Variants in DOCK11 observed in about 807,000 individuals in gnomAD.
DOCK11 encodes the protein dedicator of cytokinesis protein 11.
DOCK11 carries 70 observed loss-of-function variants against 169.1 expected under a neutral mutation model. The observed-to-expected ratio is 0.41, with a 90% CI of 0.34 to 0.51. The LOEUF is 0.51. Among genes scored for constraint, DOCK11 ranks in the 20% least tolerant of loss-of-function variants. The probability of loss-of-function intolerance (pLI) is 0.10; values close to 1 mark genes in which losing one functional copy is unlikely to be tolerated. For synonymous variants in DOCK11, 529 were observed against 541.3 expected (o/e 0.98, Z 0.32); for missense variants, 1,166 against 1,538.8 (o/e 0.76, Z 4.05).
chrX:118,605,282 T>C lies in DOCK11; in HGVS notation c.2607T>C (p.Pro869=). 1 of 1,202,995 alleles carries C rather than the reference T, an allele frequency of 8.3e-7. No individual in the cohort carries two copies. The highest frequency in any genetic ancestry group is 1.1e-6 in the Non-Finnish European group (1 of 891,897). ...TCCAAGTCATGATACAGTTTCTACC[T>C]GTAATTCTTATGCAACTCTTCCGAG... ...MEIQVMIQFL[P]VILMQLFRVL... is the part of the protein sequence containing the mutation. The change falls in exon 24 of 53, where the codon CCT becomes CCC. Residue 869 remains proline (P), a synonymous_variant. Coordinates refer to ENST00000276202, the MANE Select transcript of DOCK11 (RefSeq NM_144658.4).
In DOCK11 at chrX:118,540,694, G is replaced by A. The variant is rs184861482; in HGVS notation, c.103-2031G>A. ...ACAGGAAACTCTGAGATGCCCTTCC[G>A]ATATGGAAATTGGGTATAGCTGTGA... On this transcript the variant is annotated intron_variant, in intron 1 of 52. Transcript: ENST00000276202. Among the ~76,000 whole-genome samples, 576 of 111,243 alleles carry A rather than the reference G, an allele frequency of 5.2e-3. 4 individuals carry two copies. Among genetic ancestry groups the A allele is most frequent in the African/African-American group, 0.018 (549 of 30,597 alleles).
intron 13 of DOCK11, among the ~76,000 whole-genome samples, chrX:118,579,348 A>T (rs1388927312): frequency 1.8e-5 from 2 of 111,855 alleles, no homozygotes; most frequent in African/African-American, 6.5e-5. Context: ...TTATAAATGG[A>T]AAAACTGAGA....
chrX:118,614,663 A>T, intron 28 of DOCK11, 29 bp from the exon 29 acceptor site: 2 of 1,017,547 alleles, frequency 2.0e-6, no homozygotes, highest in Non-Finnish European at 2.7e-6. Flanking sequence ...TTATGTAATT[A>T]ACCCTTAGTT....
At chrX:118,672,678 G>A (rs1037761799) in intron 46 of DOCK11, among the ~76,000 whole-genome samples, 18 of 112,507 alleles carry the variant, frequency 1.6e-4, no homozygotes, top group Non-Finnish European at 9.4e-5. Flanking sequence ...CTTGTGATGC[G>A]CCCGCCTTGG....
intron 24 of DOCK11, among the ~76,000 whole-genome samples, chrX:118,607,131 T>C (rs1333826426): frequency 1.0e-5 from 1 of 97,851 alleles, no homozygotes; most frequent in African/African-American, 3.8e-5. Context: ...TTTTTTTTTT[T>C]TTTAGGTGGA....
intron 31 of DOCK11, 52 bp downstream of exon 31, chrX:118,618,780 A>AT (rs200001862): frequency 0.18 from 174,131 of 962,334 alleles, 12,501 homozygotes; most frequent in East Asian, 0.37. Flanking sequence ...TTCTACTATG[A>AT]TTTTTTATAG....
chrX:118,640,868 G>A (rs746874884), intron 38 of DOCK11, among the ~76,000 whole-genome samples: 3 of 111,501 alleles, frequency 2.7e-5, no homozygotes, highest in Admixed American at 9.5e-5. Context: ...ATCTCGGCTC[G>A]CTGCAACCTC....
intron 16 of DOCK11, among the ~76,000 whole-genome samples, chrX:118,587,452 A>C (rs2013850457): frequency 8.9e-6 from 1 of 111,799 alleles, no homozygotes; most frequent in African/African-American, 3.3e-5. Flanking sequence ...CAAAAAATAC[A>C]GCATCCTCAG....
chrX:118,516,016 T>C (rs867409326), intron 1 of DOCK11, among the ~76,000 whole-genome samples: 2 of 84,528 alleles, frequency 2.4e-5, no homozygotes, highest in African/African-American at 1.1e-4. Context: ...TATATATATA[T>C]ATACATTCTT....
chrX:118,561,095 G>T (rs1015676550), intron 6 of DOCK11, among the ~76,000 whole-genome samples: 3 of 112,272 alleles, frequency 2.7e-5, no homozygotes, highest in African/African-American at 9.7e-5. Context: ...GAATGCTATA[G>T]TGAAAGGGTC....
rs57680469 is a variant in DOCK11 at position 118,549,106 on chromosome X, CTG to C, written c.558+3013_558+3014del. Among the ~76,000 whole-genome samples, 8 of 99,032 alleles carry C rather than the reference CTG, an allele frequency of 8.1e-5. No homozygotes were observed. In the East Asian group the frequency reaches 1.2e-3, roughly 15 times the overall value. 86.0% of individuals were successfully genotyped at this position (99,032 alleles called of 115,157 possible). A position where few individuals can be genotyped will look rare whatever the true frequency, so the allele number is the denominator to read the frequency against. ...CTTTTTATCCTCAGCTGCTCATATT[CTG>C]TGTGTGTGTGTGTGTGTGTGTGATC... On this transcript the variant is annotated intron_variant, in intron 6 of 52. Transcript: ENST00000276202.
intron 45 of DOCK11, among the ~76,000 whole-genome samples, chrX:118,669,723 T>C (rs935619069): frequency 2.7e-5 from 3 of 112,416 alleles, no homozygotes; most frequent in East Asian, 5.6e-4. Context: ...GTACCACAAA[T>C]TGGGTGGCTT....
intron 1 of DOCK11, among the ~76,000 whole-genome samples, chrX:118,537,311 G>T (rs1473830220): frequency 9.0e-6 from 1 of 111,059 alleles, no homozygotes; most frequent in African/African-American, 3.3e-5. Context: ...CCTGCTTTCT[G>T]GTATCCCTCC....
At chrX:118,653,803 C>T (rs1201205757) in intron 42 of DOCK11, among the ~76,000 whole-genome samples, 10 of 111,957 alleles carry the variant, frequency 8.9e-5, no homozygotes, top group Non-Finnish European at 1.9e-5. Flanking sequence ...TCCTCATCAT[C>T]TCTGAATCAT....
chrX:118,517,915 G>A (rs1266408652), intron 1 of DOCK11, among the ~76,000 whole-genome samples: 1 of 111,292 alleles, frequency 9.0e-6, no homozygotes, highest in Non-Finnish European at 1.9e-5. Context: ...ATTTTGGGGA[G>A]GCCTAAGTGC....
In DOCK11 at chrX:118,609,274, TCAGTACTCATGG is replaced by T; in HGVS notation, c.2878-3_2886del. The T allele has an allele frequency of 8.4e-7, 1 of 1,186,276 alleles. No individual in the cohort carries two copies. On this transcript the variant is annotated splice_acceptor_variant and splice_polypyrimidine_tract_variant and coding_sequence_variant and intron_variant, in exon 27 of 53. Coordinates refer to ENST00000276202, the MANE Select transcript of DOCK11 (RefSeq NM_144658.4). LOFTEE classifies it high-confidence loss of function. ...GTTAAAGATTCTCTTTCTTTTTTTT[TCAGTACTCATGG>T]TTTTTCTTTGAAATAATTGCAAAGT... is the stretch of plus-strand genomic sequence containing the variant.
At chrX:118,649,570 G>A (rs1022652396) in intron 41 of DOCK11, among the ~76,000 whole-genome samples, 1 of 111,579 alleles carries the variant, frequency 9.0e-6, no homozygotes, top group Non-Finnish European at 1.9e-5. Flanking sequence ...CCAGGCTGGA[G>A]TGCTGTGGCA....
In DOCK11 at chrX:118,664,865, G is replaced by A. The variant is rs1309430780; in HGVS notation, c.5076+2073G>A. Reference sequence around the variant, plus strand: ...AAGAAAGAAACACAGAAAAGAGATTGAAGTTACAGTCCCATAAAATTACAT... The same window carrying A: ...AAGAAAGAAACACAGAAAAGAGATTAAAGTTACAGTCCCATAAAATTACAT... On this transcript the variant is annotated intron_variant, in intron 45 of 52. Transcript: ENST00000276202. 7.2e-5 allele frequency among the ~76,000 whole-genome samples: 8 copies of A among 111,107 alleles called. No individual in the cohort carries two copies. In the Admixed American group the frequency reaches 7.6e-4, roughly 11 times the overall value.
intron 6 of DOCK11, among the ~76,000 whole-genome samples, chrX:118,552,215 AC>A (rs2012522299): frequency 8.9e-6 from 1 of 112,080 alleles, no homozygotes; most frequent in African/African-American, 3.2e-5. Flanking sequence ...TGAGAAAGCA[AC>A]CACATGGCCT....
Sources: allele counts gnomAD v4.1 joint callset (sites outside exome capture counted in the v4.1 genomes callset), GRCh38; gene constraint gnomAD v4.1.1; transcripts MANE v1.5; gene names NCBI Gene and HGNC (gene_info 2026-07-23, HGNC 2026-07-21).